VPS13A: variants seen among roughly 807,000 people sequenced by gnomAD.
VPS13A encodes vacuolar protein sorting 13 homolog A.
VPS13A carries 264 observed loss-of-function variants against 390.9 expected under a neutral mutation model. The observed-to-expected ratio is 0.68, with a 90% CI of 0.61 to 0.75. The LOEUF is 0.75. Ranked by LOEUF, VPS13A falls within the 30% of genes least tolerant of loss-of-function variation. The pLI is 0.00. For synonymous variants in VPS13A, 1,231 were observed against 1,227.1 expected (o/e 1.00, Z -0.07); for missense variants, 3,409 against 3,733.9 (o/e 0.91, Z 2.27).
At chr9:77,364,392 T>C (rs1383498374) in intron 59 of VPS13A, among the ~76,000 whole-genome samples, 1 of 151,780 alleles carries the variant, frequency 6.6e-6, no homozygotes, top group Non-Finnish European at 1.5e-5. Context: ...GCCACTGCAC[T>C]CCAGCCTAGG....
At chr9:77,351,993 C>G (rs184447208) in intron 53 of VPS13A, among the ~76,000 whole-genome samples, 34 of 152,314 alleles carry the variant, frequency 2.2e-4, no homozygotes, top group Non-Finnish European at 4.3e-4. Flanking sequence ...TTTACTTAAC[C>G]AAAAATGTTT....
chr9:77,390,059 A>G (rs1180781051), intron 68 of VPS13A: 2 of 985,232 alleles, frequency 2.0e-6, no homozygotes, highest in African/African-American at 1.7e-5. Context: ...GAGAATGACT[A>G]CTAATCTGGA....
chr9:77,198,901 GA>G, intron 1 of VPS13A, among the ~76,000 whole-genome samples: 1 of 152,128 alleles, frequency 6.6e-6, no homozygotes, highest in Non-Finnish European at 1.5e-5. Context: ...GACTTCAGGT[GA>G]TCCACCTGCC....
intron 33 of VPS13A, among the ~76,000 whole-genome samples, chr9:77,301,386 G>A (rs982476086): frequency 6.6e-6 from 1 of 152,170 alleles, no homozygotes; most frequent in Admixed American, 6.5e-5. Flanking sequence ...TCCCTATGGG[G>A]CTTTTAGATT....
chr9:77,299,242 G>C (rs944084283), intron 33 of VPS13A, among the ~76,000 whole-genome samples: 18 of 152,124 alleles, frequency 1.2e-4, no homozygotes, highest in South Asian at 6.2e-4. Context: ...GGCTATACGG[G>C]CTCTTTTTTG....
In VPS13A at chr9:77,417,325, G is replaced by A. The variant is rs1000845263; in HGVS notation, c.*1319G>A. On this transcript the variant is annotated 3_prime_UTR_variant, in exon 72 of 72. Transcript: ENST00000360280. ...TTCTTCTCAGGCTCCTTAAACCCTC[G>A]CTTTGTTGTAAAAGCTAAAATAAAC... 1 of 152,032 alleles carries A rather than the reference G, an allele frequency of 6.6e-6. No homozygotes were observed. The highest frequency in any genetic ancestry group is 1.5e-5 in the Non-Finnish European group (1 of 68,008). 9.4% of individuals were successfully genotyped at this position (152,032 alleles called of 1,614,324 possible).
intron 39 of VPS13A, among the ~76,000 whole-genome samples, chr9:77,316,915 C>T (rs1393862866): frequency 6.6e-6 from 1 of 152,058 alleles, no homozygotes; most frequent in South Asian, 2.1e-4. Flanking sequence ...TCCTCCTCTT[C>T]ATAACTCTAC....
At chr9:77,233,601 T>G (rs1169208552) in intron 17 of VPS13A, among the ~76,000 whole-genome samples, 1 of 152,204 alleles carries the variant, frequency 6.6e-6, no homozygotes, top group Admixed American at 6.5e-5. Flanking sequence ...AATATTGTGT[T>G]TGATTCGCAT....
At chr9:77,386,781 G>C (rs10869922) in intron 68 of VPS13A, among the ~76,000 whole-genome samples, 74,156 of 149,474 alleles carry the variant, frequency 0.5, 18,804 homozygotes, top group South Asian at 0.6. Flanking sequence ...GATCTCGGCT[G>C]ACTGCAAACT....
At chr9:77,372,955 A>G (rs1832864353) in intron 67 of VPS13A, among the ~76,000 whole-genome samples, 2 of 152,142 alleles carry the variant, frequency 1.3e-5, no homozygotes, top group South Asian at 4.2e-4. Flanking sequence ...TTCAAGGAGA[A>G]CTACAAACCA....
intron 68 of VPS13A, among the ~76,000 whole-genome samples, chr9:77,390,988 C>T (rs1833875825): frequency 6.6e-6 from 1 of 152,092 alleles, no homozygotes; most frequent in Non-Finnish European, 1.5e-5. Flanking sequence ...TACATTATAA[C>T]ATTAAAAGAA....
chr9:77,412,884 A>T (rs987731706), intron 71 of VPS13A, among the ~76,000 whole-genome samples: 2 of 152,236 alleles, frequency 1.3e-5, no homozygotes, highest in African/African-American at 4.8e-5. Context: ...TTAAGCTGAT[A>T]GGCAACTTCA....
intron 34 of VPS13A, among the ~76,000 whole-genome samples, chr9:77,305,997 G>T (rs1255188264): frequency 6.6e-6 from 1 of 152,132 alleles, no homozygotes; most frequent in African/African-American, 2.4e-5. Flanking sequence ...GCGATAGACA[G>T]ATACTAACTG....
intron 41 of VPS13A, 47 bp from the exon 42 acceptor site, chr9:77,319,525 G>A: frequency 3.1e-6 from 4 of 1,286,904 alleles, no homozygotes; most frequent in Non-Finnish European, 4.5e-6. Flanking sequence ...AACATGGTGG[G>A]AAACAGGATG....
intron 45 of VPS13A, 26 bp from the exon 46 acceptor site, chr9:77,331,984 A>G: frequency 6.8e-7 from 1 of 1,476,084 alleles, no homozygotes; most frequent in Non-Finnish European, 9.5e-7. Context: ...TAATGATACT[A>G]AATATTATTT....
At chr9:77,231,586 T>G (rs4565527) in intron 17 of VPS13A, among the ~76,000 whole-genome samples, 2 of 151,828 alleles carry the variant, frequency 1.3e-5, no homozygotes, top group African/African-American at 4.8e-5. Flanking sequence ...CATTGGGTCT[T>G]TTTTTTAATT....
At chr9:77,307,908 G>T (rs1202392734) in intron 34 of VPS13A, 37 bp from the exon 35 acceptor site, 1 of 1,511,122 alleles carries the variant, frequency 6.6e-7, no homozygotes, top group Non-Finnish European at 9.1e-7. Flanking sequence ...CAATGAAGTA[G>T]CAGTGCTAAA....
At chr9:77,206,226 G>T in intron 5 of VPS13A, 147 bp downstream of exon 5, 1 of 669,226 alleles carries the variant, frequency 1.5e-6, no homozygotes, top group South Asian at 1.9e-5. Context: ...TTTTAATGTG[G>T]TTTGTATGCT....
intron 21 of VPS13A, among the ~76,000 whole-genome samples, chr9:77,252,021 G>C (rs1445101503): frequency 6.6e-6 from 1 of 151,892 alleles, no homozygotes; most frequent in African/African-American, 2.4e-5. Flanking sequence ...TTACTTTTTT[G>C]GGTAAGGTAT....
Sources: gnomAD v4.1 joint callset for allele counts (sites outside exome capture counted in the v4.1 genomes callset) on GRCh38, gnomAD v4.1.1 for gene constraint, MANE v1.5 for transcripts, NCBI Gene and HGNC (gene_info 2026-07-23, HGNC 2026-07-21) for gene names.